TMEM39A: variants seen among roughly 807,000 people sequenced by gnomAD.
The protein encoded by TMEM39A is suppressor of SQST-1 aggregates in rpl-43 mutants.
Under a neutral mutation model 51.9 loss-of-function variants are expected in TMEM39A, and 19 were observed. The ratio of observed to expected loss-of-function variants is 0.37; its 90% CI spans 0.26 to 0.54. TMEM39A has a LOEUF of 0.54. Ranked by LOEUF, TMEM39A falls within the 20% of genes least tolerant of loss-of-function variation. The probability of loss-of-function intolerance (pLI) is 0.88; values close to 1 mark genes in which losing one functional copy is unlikely to be tolerated. For missense variants in TMEM39A, 433 were observed against 590.5 expected (o/e 0.73, Z 2.76); for synonymous variants, 197 against 220.2 (o/e 0.89, Z 0.93).
At position 119,436,844 on chromosome 3, in the gene TMEM39A, C is replaced by A; in HGVS notation, c.1059G>T (p.Leu353=). The A allele has an allele frequency of 6.2e-7, 1 of 1,614,016 alleles. No individual in the cohort carries two copies. Among genetic ancestry groups the A allele is most frequent in the African/African-American group, 1.3e-5 (1 of 75,018 alleles). ...CDLLHKSAAH[L]GKWQKLEHGS... ...CATGTTCCAACTTCTGCCACTTGCC[C>A]AGGTGAGCAGCTGATTTATGTAGCA... The change falls in exon 7 of 9, where the codon CTG becomes CTT. Residue 353 remains leucine, a synonymous_variant. Transcript: ENST00000319172.
Position 119,431,242 on chromosome 3 carries a change from A to G in TMEM39A, c.*739T>C, listed in dbSNP as rs3732421. 23,709 of 152,044 alleles carry G rather than the reference A, an allele frequency of 0.16. 1,977 individuals are homozygous for G. The highest frequency in any genetic ancestry group is 0.33 in the East Asian group (1,709 of 5,160). The allele number at this position is 152,044 out of a possible 1,614,324, so 9.4% of individuals were successfully genotyped here. ...CTCAGCTTCTCCTACTGATCCAGCCACACATCATCTTCTTCATGAATGTGG... is the reference window on the plus strand; with the variant it reads ...CTCAGCTTCTCCTACTGATCCAGCCGCACATCATCTTCTTCATGAATGTGG... On this transcript the variant is annotated 3_prime_UTR_variant, in exon 9 of 9. Coordinates refer to ENST00000319172, the MANE Select transcript of TMEM39A (RefSeq NM_018266.3).
chr3:119,434,689 A>G lies in TMEM39A; in HGVS notation c.1233+73T>C. 6 of 1,575,336 alleles carry G rather than the reference A, an allele frequency of 3.8e-6. No homozygotes were observed. In the Admixed American group the frequency reaches 8.9e-5, roughly 23 times the overall value. On this transcript the variant is annotated intron_variant, in intron 8 of 8. Coordinates refer to ENST00000319172, the MANE Select transcript of TMEM39A (RefSeq NM_018266.3). ...TAGTATGTGCTACATGCTATGCTAC[A>G]TGCTTCCACATAGAGTGGCCTCCTA...
chr3:119,435,405 T>C (rs1054265861), intron 7 of TMEM39A: 2 of 985,118 alleles, frequency 2.0e-6, no homozygotes, highest in South Asian at 9.4e-5. Context: ...TAAGAAGATA[T>C]ACAGTAGAAC....
At position 119,430,755 on chromosome 3, in the gene TMEM39A, A is replaced by G. The variant is rs575657693; in HGVS notation, c.*1226T>C. ...TTTCAGGAACTCTTCTGCAAGAATT[A>G]TTTTCAGAGCCAGCTTGTCAACGAC... On this transcript the variant is annotated 3_prime_UTR_variant, in exon 9 of 9. Transcript: ENST00000319172. 1.3e-5 allele frequency: 2 copies of G among 152,072 alleles called. No homozygotes were observed. Among genetic ancestry groups the G allele is most frequent in the Non-Finnish European group, 2.9e-5 (2 of 67,978 alleles). The allele number at this position is 152,072 out of a possible 1,614,324, so 9.4% of individuals were successfully genotyped here.
At position 119,463,509 on chromosome 3, in the gene TMEM39A, GCCAGACTCAGAC is replaced by G. The variant is rs2107698564; in HGVS notation, c.-260_-249del. 1 of 398,836 alleles carries G rather than the reference GCCAGACTCAGAC, an allele frequency of 2.5e-6. No homozygotes were observed. The highest frequency in any genetic ancestry group is 3.6e-5 in the East Asian group (1 of 28,082). The allele number at this position is 398,836 out of a possible 1,614,324, so 24.7% of individuals were successfully genotyped here. The stretch of plus-strand genomic sequence containing the variant: ...AGAAAAGGTGTCCAGGCTTCGGGCT[GCCAGACTCAGAC>G]CCAGACTCCGACGCAGTTCCAGTGC... On this transcript the variant is annotated 5_prime_UTR_variant, in exon 1 of 9. Transcript: ENST00000319172.
chr3:119,448,755 T>G (rs928225593), intron 4 of TMEM39A, among the ~76,000 whole-genome samples: 1 of 150,732 alleles, frequency 6.6e-6, no homozygotes, highest in East Asian at 2.0e-4. Flanking sequence ...TATTACCTCC[T>G]TCTCAAAAGT....
Position 119,437,909 on chromosome 3 carries a change from G to T in TMEM39A, c.770C>A (p.Pro257His), listed in dbSNP as rs771106209. ...TAGGGGACAACTGTGGGTGGGGATG[G>T]GTGTGGCATTATTAAACTGTTCTTT... ...SLKEQFNNAT[P>H]IPTHSCPLSP... is the part of the protein sequence containing the mutation. Residue 257 changes from proline (P) to histidine (H), a missense_variant, in exon 6 of 9, where the codon CCC becomes CAC. This residue lies in a region of TMEM39A where 223 missense variants were observed against 328.1 expected (regional missense o/e 0.68). Transcript: ENST00000319172. 1 of 1,613,868 alleles carries T rather than the reference G, an allele frequency of 6.2e-7. No individual in the cohort carries two copies. Among genetic ancestry groups the T allele is most frequent in the East Asian group, 2.2e-5 (1 of 44,894 alleles).
At chr3:119,461,124 T>A (rs1037721139) in intron 2 of TMEM39A, among the ~76,000 whole-genome samples, 1 of 152,176 alleles carries the variant, frequency 6.6e-6, no homozygotes, top group African/African-American at 2.4e-5. Context: ...TACTCTAGCA[T>A]AAACTAGTTA....
intron 5 of TMEM39A, among the ~76,000 whole-genome samples, chr3:119,442,358 A>T (rs1215419638): frequency 6.6e-6 from 1 of 151,896 alleles, no homozygotes; most frequent in Non-Finnish European, 1.5e-5. Flanking sequence ...AAAAAAAAAA[A>T]AGTACTTACT....
At chr3:119,459,011 A>T (rs2107691164) in intron 2 of TMEM39A, among the ~76,000 whole-genome samples, 1 of 152,340 alleles carries the variant, frequency 6.6e-6, no homozygotes, top group East Asian at 1.9e-4. Flanking sequence ...CATCCAGGAA[A>T]GCTCATTAGA....
In TMEM39A at chr3:119,455,092, A is replaced by T. The variant is rs563543504; in HGVS notation, c.337-2562T>A. The stretch of plus-strand genomic sequence containing the variant: ...GAAATGGAAAAATAAAAACCTAATA[A>T]ATAAATCTGACAAAATTATTATGAG... On this transcript the variant is annotated intron_variant, in intron 3 of 8. Coordinates refer to ENST00000319172, the MANE Select transcript of TMEM39A (RefSeq NM_018266.3). 2.6e-5 allele frequency among the ~76,000 whole-genome samples: 4 copies of T among 152,280 alleles called. No individual in the cohort carries two copies. In the East Asian group the frequency reaches 5.8e-4, roughly 22 times the overall value.
intron 3 of TMEM39A, among the ~76,000 whole-genome samples, chr3:119,452,782 C>T (rs1224788649): frequency 1.3e-5 from 2 of 151,834 alleles, no homozygotes; most frequent in Non-Finnish European, 2.9e-5. Context: ...AAAAGTATTA[C>T]TGTACTAAAA....
chr3:119,458,064 GT>G lies in TMEM39A; in HGVS notation c.289del (p.Thr97GlnfsTer16). On this transcript the variant is annotated frameshift_variant, in exon 3 of 9. Coordinates refer to ENST00000319172, the MANE Select transcript of TMEM39A (RefSeq NM_018266.3). LOFTEE classifies it high-confidence loss of function. ...ATGATTGTAAGGATACCACCACACT[GT>G]TTTATAAATGTTGATGTACTGAATG... ...LFIQYINIYK[T>X]VWWYPYNHPA... 1 of 1,614,072 alleles carries G rather than the reference GT, an allele frequency of 6.2e-7. No homozygotes were observed.
At chr3:119,438,493 G>GT (rs1166989853) in intron 5 of TMEM39A, among the ~76,000 whole-genome samples, 1 of 152,104 alleles carries the variant, frequency 6.6e-6, no homozygotes, top group African/African-American at 2.4e-5. Flanking sequence ...GTATCCTGCT[G>GT]TTTAAACTTT....
At chr3:119,458,364 T>C in intron 2 of TMEM39A, 124 bp from the exon 3 acceptor site, 1 of 749,370 alleles carries the variant, frequency 1.3e-6, no homozygotes, top group South Asian at 1.8e-5. Flanking sequence ...GACTCCATCC[T>C]GGGATCCTCT....
rs148386065 is a variant in TMEM39A, at chr3:119,434,823, T to C, written c.1172A>G (p.Tyr391Cys). The C allele has an allele frequency of 6.2e-7, 1 of 1,613,796 alleles. No individual in the cohort carries two copies. Among genetic ancestry groups the C allele is most frequent in the Admixed American group, 1.7e-5 (1 of 60,004 alleles). Residue 391 changes from tyrosine (Y) to cysteine (C), a missense_variant, in exon 8 of 9, where the codon TAT (tyrosine) becomes TGT (cysteine). Physicochemically the swap from Tyr to Cys is radical, Grantham distance 194 (BLOSUM62 -2). This residue lies in a region of TMEM39A where 223 missense variants were observed against 328.1 expected (regional missense o/e 0.68). Transcript: ENST00000319172. ...GVLVRHSRCL[Y>C]RAMGPYNVAV... The stretch of plus-strand genomic sequence containing the variant: ...CACGTTGTAAGGCCCCATGGCTCTA[T>C]ATAAACATCTGCTGTGCCGCACCAG...
chr3:119,436,727 G>A, intron 7 of TMEM39A, 64 bp downstream of exon 7: 1 of 1,484,780 alleles, frequency 6.7e-7, no homozygotes, highest in South Asian at 1.3e-5. Flanking sequence ...GACATACAAA[G>A]CAAATAAACA....
intron 5 of TMEM39A, among the ~76,000 whole-genome samples, chr3:119,439,406 C>T (rs995840365): frequency 6.6e-6 from 1 of 152,018 alleles, no homozygotes; most frequent in Non-Finnish European, 1.5e-5. Context: ...CATGGTAAAA[C>T]TCTGTCTCTA....
Position 119,437,951 on chromosome 3 carries a change from A to C in TMEM39A, c.728T>G (p.Leu243Trp). ...CTGTTCTTTTAGCGACTCCAGCAAC[A>C]AGGAGAGAAAGTCTTTGGATTTGGC... The part of the protein sequence containing the change: ...GLAKSKDFLS[L>W]LLESLKEQFN... The change falls in exon 6 of 9, where the codon TTG becomes TGG. Residue 243 changes from leucine to tryptophan, a missense_variant. Physicochemically the swap from Leu to Trp is moderately conservative, Grantham distance 61 (BLOSUM62 -2). Transcript: ENST00000319172. The C allele has an allele frequency of 6.2e-7, 1 of 1,614,170 alleles. No homozygotes were observed. Among genetic ancestry groups the C allele is most frequent in the African/African-American group, 1.3e-5 (1 of 75,052 alleles).
Sources: gnomAD v4.1 joint callset for allele counts (sites outside exome capture counted in the v4.1 genomes callset) on GRCh38, gnomAD v4.1.1 for gene constraint, gnomAD v4.1.1 regional missense constraint, MANE v1.5 for transcripts, NCBI Gene and HGNC (gene_info 2026-07-23, HGNC 2026-07-21) for gene names.